SNTB1: variants seen among roughly 807,000 people sequenced by gnomAD.
SNTB1 encodes the protein syntrophin beta 1, also known as beta-1-syntrophin.
In SNTB1, 36 loss-of-function variants were observed where a neutral mutation model predicts 48.9. That is an observed-to-expected ratio of 0.74 (90% CI 0.56 to 0.97). SNTB1 has a LOEUF of 0.97. Among genes scored for constraint, SNTB1 ranks in the 50% least tolerant of loss-of-function variants. The pLI is 0.00. For missense variants in SNTB1, 786 were observed against 703.4 expected (o/e 1.12, Z -1.33); for synonymous variants, 299 against 294.6 (o/e 1.01, Z -0.15).
chr8:120,610,429 C>T lies in SNTB1; in HGVS notation c.996+22015G>A, dbSNP rs372897170. ...GATTACGGGCGTGAGCCACTGCACC[C>T]GGCCCTGATTTTGAAACTTCTTAAC... On this transcript the variant is annotated intron_variant, in intron 3 of 6. Transcript: ENST00000517992. Among the ~76,000 whole-genome samples the T allele has an allele frequency of 1.9e-3, 292 of 152,266 alleles. 1 individual carries two copies. The highest frequency in any genetic ancestry group is 6.2e-3 in the African/African-American group (258 of 41,546).
intron 1 of SNTB1, among the ~76,000 whole-genome samples, chr8:120,780,299 C>T (rs926806516): frequency 1.3e-5 from 2 of 152,176 alleles, no homozygotes; most frequent in African/African-American, 2.4e-5. Context: ...TTAAGCTATG[C>T]TTTAATATTT....
intron 1 of SNTB1, among the ~76,000 whole-genome samples, chr8:120,757,404 T>A (rs914091889): frequency 1.3e-5 from 2 of 152,154 alleles, no homozygotes; most frequent in African/African-American, 2.4e-5. Flanking sequence ...ACAAGGGTCC[T>A]GTTAGAGCTG....
chr8:120,693,389 C>T (rs1411118273), intron 2 of SNTB1, among the ~76,000 whole-genome samples: 1 of 152,148 alleles, frequency 6.6e-6, no homozygotes, highest in Non-Finnish European at 1.5e-5. Flanking sequence ...TGAGGTTAAG[C>T]GGTTTAAGAA....
At chr8:120,580,170 G>A (rs1365193464) in intron 3 of SNTB1, among the ~76,000 whole-genome samples, 2 of 152,124 alleles carry the variant, frequency 1.3e-5, no homozygotes, top group Non-Finnish European at 2.9e-5. Flanking sequence ...CTTTTCCTGA[G>A]GCAAAAAGCA....
chr8:120,706,054 G>T (rs1818372258), intron 1 of SNTB1, among the ~76,000 whole-genome samples: 1 of 151,582 alleles, frequency 6.6e-6, no homozygotes, highest in Non-Finnish European at 1.5e-5. Context: ...TCTTAGGATT[G>T]TTACAAGGAT....
At chr8:120,746,463 T>C (rs1819127307) in intron 1 of SNTB1, among the ~76,000 whole-genome samples, 2 of 152,180 alleles carry the variant, frequency 1.3e-5, no homozygotes, top group Admixed American at 1.3e-4. Flanking sequence ...GAATTTTCAA[T>C]AGCGCAGAGA....
chr8:120,685,654 A>G (rs1383610728), intron 2 of SNTB1, among the ~76,000 whole-genome samples: 1 of 151,956 alleles, frequency 6.6e-6, no homozygotes, highest in African/African-American at 2.4e-5. Context: ...ACTCATCCTA[A>G]TCTCTTTATC....
intron 1 of SNTB1, among the ~76,000 whole-genome samples, chr8:120,808,434 C>T (rs951857946): frequency 6.6e-6 from 1 of 152,004 alleles, no homozygotes; most frequent in Non-Finnish European, 1.5e-5. Context: ...CAGCATTACA[C>T]CATAGTACAA....
intron 1 of SNTB1, among the ~76,000 whole-genome samples, chr8:120,783,332 A>G (rs771510920): frequency 9.9e-5 from 15 of 152,126 alleles, no homozygotes; most frequent in Non-Finnish European, 1.9e-4. Context: ...AAAATTTATA[A>G]TATTGCTGCT....
chr8:120,768,532 C>G (rs1819566275), intron 1 of SNTB1: 1 of 152,090 alleles, frequency 6.6e-6, no homozygotes, highest in African/African-American at 2.4e-5. Context: ...TGAATGAGTA[C>G]ACATACACTA....
intron 1 of SNTB1, among the ~76,000 whole-genome samples, chr8:120,789,142 T>C (rs1217562168): frequency 6.6e-6 from 1 of 152,006 alleles, no homozygotes; most frequent in Non-Finnish European, 1.5e-5. Flanking sequence ...CCAGAATGAT[T>C]TTTGTTTTAA....
chr8:120,714,412 GA>G (rs934398800), intron 1 of SNTB1, among the ~76,000 whole-genome samples: 2 of 152,022 alleles, frequency 1.3e-5, no homozygotes, highest in African/African-American at 4.8e-5. Context: ...CCATTTCACA[GA>G]AGGTGATTTG....
At chr8:120,750,689 C>T (rs1819198446) in intron 1 of SNTB1, among the ~76,000 whole-genome samples, 1 of 152,046 alleles carries the variant, frequency 6.6e-6, no homozygotes, top group African/African-American at 2.4e-5. Flanking sequence ...ATGAAATTGA[C>T]TCACCAAGGG....
chr8:120,783,083 C>T (rs747199544), intron 1 of SNTB1, among the ~76,000 whole-genome samples: 5 of 152,166 alleles, frequency 3.3e-5, no homozygotes, highest in Non-Finnish European at 7.4e-5. Flanking sequence ...GTTTATCTAA[C>T]TTGGCTTAAC....
rs770137703 is a variant in SNTB1, at chr8:120,811,827, G to C, written c.17C>G (p.Ala6Gly). Residue 6 changes from alanine to glycine, a missense_variant, in exon 1 of 7, where the codon GCG (alanine) becomes GGG (glycine). Transcript: ENST00000517992. MAVAA[A>G]AAAAGPAGAG... is the part of the protein sequence containing the mutation. ...GCCAGCCGGCCCAGCCGCCGCCGCCGCCGCCGCTACCGCCATCTTTCCGGC... is the reference window on the plus strand; with the variant it reads ...GCCAGCCGGCCCAGCCGCCGCCGCCCCCGCCGCTACCGCCATCTTTCCGGC... 1 of 1,349,832 alleles carries C rather than the reference G, an allele frequency of 7.4e-7. No homozygotes were observed. Among genetic ancestry groups the C allele is most frequent in the Non-Finnish European group, 9.5e-7 (1 of 1,054,650 alleles). 83.6% of individuals were successfully genotyped at this position (1,349,832 alleles called of 1,614,324 possible).
intron 3 of SNTB1, among the ~76,000 whole-genome samples, chr8:120,631,411 G>A (rs1005680445): frequency 2.0e-5 from 3 of 152,188 alleles, no homozygotes; most frequent in Admixed American, 1.3e-4. Context: ...TAAGACCCGC[G>A]CATGATCTGC....
chr8:120,702,478 T>G (rs1380179095), intron 1 of SNTB1, among the ~76,000 whole-genome samples: 1 of 152,162 alleles, frequency 6.6e-6, no homozygotes, highest in Non-Finnish European at 1.5e-5. Flanking sequence ...GTGGAAACCT[T>G]TCTGGAAAAC....
chr8:120,582,228 G>A (rs770766260), intron 3 of SNTB1, among the ~76,000 whole-genome samples: 5 of 152,092 alleles, frequency 3.3e-5, no homozygotes, highest in Non-Finnish European at 5.9e-5. Flanking sequence ...ATCAATAATG[G>A]AGATCTATGG....
intron 3 of SNTB1, among the ~76,000 whole-genome samples, chr8:120,622,146 A>C (rs1325247816): frequency 2.6e-5 from 4 of 152,144 alleles, no homozygotes; most frequent in African/African-American, 4.8e-5. Flanking sequence ...GAAATATTTT[A>C]GGGCCTCTCT....
Sources: gnomAD v4.1 joint callset for allele counts (sites outside exome capture counted in the v4.1 genomes callset) on GRCh38, gnomAD v4.1.1 for gene constraint, MANE v1.5 for transcripts, NCBI Gene and HGNC (gene_info 2026-07-23, HGNC 2026-07-21) for gene names.